The following CFAP54 variants were observed in gnomAD, a reference collection of about 807,000 sequenced individuals.
CFAP54 encodes cilia and flagella associated protein 54, also known as cilia- and flagella-associated protein 54.
A neutral mutation model predicts 370.4 loss-of-function variants in CFAP54; 290 were observed. The observed-to-expected ratio is 0.78, with a 90% confidence interval of 0.71 to 0.86. The LOEUF is 0.86. Ranked by LOEUF, CFAP54 falls within the 40% of genes least tolerant of loss-of-function variation. The pLI is 0.00. For synonymous variants in CFAP54, 1,206 were observed against 1,236.5 expected, an observed-to-expected ratio of 0.98 and a Z score of 0.52; for missense variants, 3,399 against 3,528.7, an observed-to-expected ratio of 0.96 and a Z score of 0.93.
rs542824096 is a variant in CFAP54, at chr12:96,654,228, G to A, written c.5100+2413G>A. Among the ~76,000 whole-genome samples, 79 of 152,172 alleles carry A rather than the reference G, an allele frequency of 5.2e-4. No individual in the cohort carries two copies. The Middle Eastern group carries it at 0.01, about 20-fold the overall frequency. On this transcript the variant is annotated intron_variant, in intron 36 of 67. Transcript: ENST00000524981. ...TTTATTTGGAAAATTTAGGCCGGGCGCGGTGGCTCATGCCTGTAATCCCAG... is the reference window on the plus strand; with the variant it reads ...TTTATTTGGAAAATTTAGGCCGGGCACGGTGGCTCATGCCTGTAATCCCAG...
chr12:96,654,217 T>C (rs1302695844), intron 36 of CFAP54, among the ~76,000 whole-genome samples: 7 of 152,150 alleles, frequency 4.6e-5, no homozygotes, highest in Non-Finnish European at 1.0e-4. Context: ...TTTGGAAAAT[T>C]TAGGCCGGGC....
intron 23 of CFAP54, among the ~76,000 whole-genome samples, chr12:96,590,784 A>C (rs961443041): frequency 2.6e-5 from 4 of 152,180 alleles, no homozygotes; most frequent in African/African-American, 9.7e-5. Context: ...GAGGTAGAAC[A>C]AGTTCTTAGA....
At position 96,533,970 on chromosome 12, in the gene CFAP54, C is replaced by A; in HGVS notation, c.1536C>A (p.Leu512=). The change falls in exon 10 of 68, where the codon CTC becomes CTA. Residue 512 remains leucine (L), a synonymous_variant. Transcript: ENST00000524981. ...CTGCTGTACATCTTATTTATTTTCT[C>A]CAGGTAATATATGCAAAATTATCCT... The part of the protein sequence containing the change: ...ESSAVHLIYF[L]QRQDDPESKK... 6.6e-7 allele frequency: 1 copy of A among 1,509,800 alleles called. No homozygotes were observed. The highest frequency in any genetic ancestry group is 8.8e-7 in the Non-Finnish European group (1 of 1,138,638). 93.5% of individuals were successfully genotyped at this position (1,509,800 alleles called of 1,614,324 possible).
intron 67 of CFAP54, 124 bp downstream of exon 67, chr12:96,861,076 A>G: frequency 1.5e-6 from 1 of 679,326 alleles, no homozygotes; most frequent in South Asian, 3.2e-5. Context: ...CTTTAAAATT[A>G]TTATTTTGAG....
At chr12:96,796,104 C>T (rs1165996710) in intron 63 of CFAP54, among the ~76,000 whole-genome samples, 1 of 152,204 alleles carries the variant, frequency 6.6e-6, no homozygotes, top group African/African-American at 2.4e-5. Flanking sequence ...GACATTCCCC[C>T]TCTCACACAT....
chr12:96,809,717 G>GA (rs1451240097), intron 63 of CFAP54, among the ~76,000 whole-genome samples: 1 of 152,144 alleles, frequency 6.6e-6, no homozygotes, highest in Non-Finnish European at 1.5e-5. Context: ...TATTTAGTTA[G>GA]ATATTGACTT....
rs1018132123 is a variant in CFAP54, at chr12:96,694,489, GCA to G, written c.6351+693_6351+694del. ...AATTCAACTCTATTTTATATCTTAC[GCA>G]CACACACACACGCGCACACACACAC... is the stretch of plus-strand genomic sequence containing the variant. On this transcript the variant is annotated intron_variant, in intron 45 of 67. Transcript: ENST00000524981. 7.8e-4 allele frequency among the ~76,000 whole-genome samples: 117 copies of G among 150,730 alleles called. 1 individual carries two copies. The highest frequency in any genetic ancestry group is 2.1e-4 in the Non-Finnish European group (14 of 67,728).
chr12:96,842,572 A>G (rs1959230643), intron 66 of CFAP54, among the ~76,000 whole-genome samples: 1 of 152,202 alleles, frequency 6.6e-6, no homozygotes, highest in African/African-American at 2.4e-5. Flanking sequence ...TTCTGTGGAG[A>G]GCCATTAAAC....
chr12:96,817,430 CT>C (rs34215059), intron 64 of CFAP54, among the ~76,000 whole-genome samples: 50,566 of 144,522 alleles, frequency 0.35, 8,739 homozygotes, highest in South Asian at 0.54. Flanking sequence ...ACCTTTCTTT[CT>C]TTTTTTTTTT....
At chr12:96,786,641 A>T in intron 61 of CFAP54, 34 bp from the exon 62 acceptor site, 1 of 1,421,498 alleles carries the variant, frequency 7.0e-7, no homozygotes. Context: ...GTTTTCTAAT[A>T]TGAACCTAAA....
rs548500750 is a variant in CFAP54, at chr12:96,806,159, AATATATATATATATATATATAT to A, written c.8851-5543_8851-5522del. Among the ~76,000 whole-genome samples the A allele has an allele frequency of 3.9e-3, 109 of 27,906 alleles. 3 individuals carry two copies. Among genetic ancestry groups the A allele is most frequent in the South Asian group, 0.011 (7 of 650 alleles). 18.3% of individuals were successfully genotyped at this position (27,906 alleles called of 152,430 possible). ...AAAGCCAAGACTTTGTCACTAGCCA[AATATATATATATATATATATAT>A]ATATATATATATATATATATATATA... On this transcript the variant is annotated intron_variant, in intron 63 of 67. Transcript: ENST00000524981.
intron 66 of CFAP54, among the ~76,000 whole-genome samples, chr12:96,853,946 A>G (rs986953741): frequency 2.0e-5 from 3 of 151,890 alleles, no homozygotes; most frequent in Admixed American, 2.0e-4. Flanking sequence ...TGTATCTAGT[A>G]TATAAATTAT....
At chr12:96,856,971 G>C (rs1259061434) in intron 66 of CFAP54, among the ~76,000 whole-genome samples, 1 of 152,128 alleles carries the variant, frequency 6.6e-6, no homozygotes, top group Non-Finnish European at 1.5e-5. Flanking sequence ...TGCAGGACTG[G>C]GGAGGCCTCA....
chr12:96,525,290 A>G (rs534959397), intron 8 of CFAP54, among the ~76,000 whole-genome samples: 1 of 151,870 alleles, frequency 6.6e-6, no homozygotes, highest in East Asian at 1.9e-4. Context: ...TAGGGATTTT[A>G]ATTTTTAAAA....
At chr12:96,656,492 C>T (rs535489515) in intron 36 of CFAP54, among the ~76,000 whole-genome samples, 2 of 152,368 alleles carry the variant, frequency 1.3e-5, no homozygotes, top group Admixed American at 1.3e-4. Flanking sequence ...ATTCATTCTC[C>T]TGCCTCAGCC....
intron 52 of CFAP54, among the ~76,000 whole-genome samples, chr12:96,743,171 A>G (rs1958071422): frequency 6.6e-6 from 1 of 152,214 alleles, no homozygotes; most frequent in African/African-American, 2.4e-5. Context: ...AAATTAAATT[A>G]TCTCATGCAA....
intron 14 of CFAP54, among the ~76,000 whole-genome samples, chr12:96,545,309 A>T (rs921506750): frequency 6.6e-6 from 1 of 152,110 alleles, no homozygotes; most frequent in Non-Finnish European, 1.5e-5. Context: ...TAACGGGTTG[A>T]TGGGTGCAGC....
chr12:96,563,706 A>G (rs539825978), intron 17 of CFAP54, among the ~76,000 whole-genome samples: 73 of 152,330 alleles, frequency 4.8e-4, no homozygotes, highest in Admixed American at 2.4e-3. Context: ...CATTAGCACA[A>G]ATAATTAAAA....
intron 44 of CFAP54, among the ~76,000 whole-genome samples, chr12:96,692,425 GA>G (rs1269061756): frequency 6.6e-6 from 1 of 151,908 alleles, no homozygotes; most frequent in Non-Finnish European, 1.5e-5. Flanking sequence ...TAAAGCTGAA[GA>G]AATTGAGAAT....
Sources: gnomAD v4.1 joint callset for allele counts (sites outside exome capture counted in the v4.1 genomes callset) on GRCh38, gnomAD v4.1.1 for gene constraint, MANE v1.5 for transcripts, NCBI Gene and HGNC (gene_info 2026-07-23, HGNC 2026-07-21) for gene names.